SNTG2: variants seen among roughly 807,000 people sequenced by gnomAD.
SNTG2 encodes the protein gamma-2-syntrophin.
A neutral mutation model predicts 70.9 loss-of-function variants in SNTG2; 74 were observed. That is an observed-to-expected ratio of 1.04 (90% confidence interval 0.86 to 1.27). The LOEUF is 1.27. SNTG2 is among the 50% of genes most tolerant of loss of function. SNTG2 has a pLI of 0.00. For synonymous variants in SNTG2, 278 were observed against 273.8 expected, an observed-to-expected ratio of 1.02 and a Z score of -0.15; for missense variants, 717 against 690.7, an observed-to-expected ratio of 1.04 and a Z score of -0.43.
intron 6 of SNTG2, among the ~76,000 whole-genome samples, chr2:1,147,791 A>G (rs4998208): frequency 0.39 from 59,035 of 151,888 alleles, 12,501 homozygotes; most frequent in East Asian, 0.83. Context: ...GTTGTGTGGC[A>G]TGAAATGCGG....
chr2:1,217,935 C>G (rs1674507651), intron 9 of SNTG2, among the ~76,000 whole-genome samples: 2 of 151,966 alleles, frequency 1.3e-5, no homozygotes, highest in African/African-American at 4.8e-5. Flanking sequence ...CCCGGCTGGT[C>G]CTCTGCTTGG....
At chr2:1,098,548 G>A in intron 4 of SNTG2, 138 bp downstream of exon 4, 1 of 935,364 alleles carries the variant, frequency 1.1e-6, no homozygotes, top group Non-Finnish European at 1.7e-6. Flanking sequence ...GCTGTGTCTT[G>A]TTTCAAAGGA....
rs1375500564 is a variant in SNTG2 at position 1,308,578 on chromosome 2, A to G, written c.1369A>G (p.Lys457Glu). 6.4e-7 allele frequency: 1 copy of G among 1,551,520 alleles called. No individual in the cohort carries two copies. The highest frequency in any genetic ancestry group is 8.7e-7 in the Non-Finnish European group (1 of 1,146,916). The change falls in exon 15 of 17, where the codon AAG becomes GAG. Residue 457 changes from lysine (K) to glutamate (E), a missense_variant. Transcript: ENST00000308624. Reference protein sequence around the residue: ...FALGFTCFESKTKNVLWRFKF... With the variant: ...FALGFTCFESETKNVLWRFKF... ...GTTGGGATTTACCTGTTTTGAGAGT[A>G]AGACCAAGGTAAGAGGCCAAGCAGG...
chr2:1,078,211 T>C lies in SNTG2; in HGVS notation c.73-5307T>C, dbSNP rs185557330. 1.9e-3 allele frequency among the ~76,000 whole-genome samples: 285 copies of C among 152,226 alleles called. 2 individuals are homozygous for C. The highest frequency in any genetic ancestry group is 3.9e-3 in the Admixed American group (60 of 15,288). On this transcript the variant is annotated intron_variant, in intron 1 of 16. Transcript: ENST00000308624. ...TGCCAGGCTGGGCTGTAGAAGCTGG[T>C]CCCCCTGAAGTGGAGAAGGTAGAGA...
At chr2:1,298,296 A>G (rs966112472) in intron 14 of SNTG2, among the ~76,000 whole-genome samples, 1 of 151,816 alleles carries the variant, frequency 6.6e-6, no homozygotes, top group Non-Finnish European at 1.5e-5. Context: ...CCACACCCAG[A>G]TAATTTTTTG....
rs1302757967 is a variant in SNTG2, at chr2:1,348,005, G to C, written c.1489-19338G>C. Among the ~76,000 whole-genome samples, 3 of 151,718 alleles carry C rather than the reference G, an allele frequency of 2.0e-5. No individual in the cohort carries two copies. The South Asian group carries it at 6.3e-4, about 32-fold the overall frequency. On this transcript the variant is annotated intron_variant, in intron 16 of 16. Transcript: ENST00000308624. ...TTTTTAAGGTCCTTTTGTAACTGCA[G>C]CTTTTTGGAGTGTATATTCAGGGCA...
chr2:1,120,984 A>C (rs981292268), intron 4 of SNTG2, among the ~76,000 whole-genome samples: 1 of 152,034 alleles, frequency 6.6e-6, no homozygotes, highest in Non-Finnish European at 1.5e-5. Flanking sequence ...GAACACACAC[A>C]TGGATAGACC....
At chr2:1,029,050 C>G (rs1484859221) in intron 1 of SNTG2, among the ~76,000 whole-genome samples, 2 of 152,136 alleles carry the variant, frequency 1.3e-5, no homozygotes, top group Admixed American at 6.5e-5. Context: ...GGGAGGGGCT[C>G]CGGCGGCCTG....
intron 6 of SNTG2, chr2:1,163,465 G>GTGTGAGGCCTCCCAACCGGAAGTGGGCA (rs1670477732): frequency 6.9e-6 from 1 of 145,984 alleles, no homozygotes; most frequent in South Asian, 2.3e-4. Flanking sequence ...GGAGGTGGGT[G>GTGTGAGGCCTCCCAACCGGAAGTGGGCA]TGTGAGGCCT....
intron 1 of SNTG2, among the ~76,000 whole-genome samples, chr2:1,047,805 C>A (rs946254740): frequency 4.6e-5 from 7 of 152,144 alleles, no homozygotes; most frequent in African/African-American, 1.7e-4. Context: ...CAAGTGTTGG[C>A]TGTATATCTC....
intron 9 of SNTG2, among the ~76,000 whole-genome samples, chr2:1,229,075 G>A (rs577815656): frequency 6.6e-6 from 1 of 152,304 alleles, no homozygotes; most frequent in African/African-American, 2.4e-5. Context: ...TGGACCCAAA[G>A]AGTGAGCAGT....
chr2:1,103,386 T>C, intron 4 of SNTG2: 1 of 293,816 alleles, frequency 3.4e-6, no homozygotes, highest in Non-Finnish European at 6.8e-6. Flanking sequence ...TTTCTTTTTT[T>C]TTTTATTTTT....
At chr2:1,155,149 CCATA>C (rs1203151429) in intron 6 of SNTG2, among the ~76,000 whole-genome samples, 1 of 107,462 alleles carries the variant, frequency 9.3e-6, no homozygotes, top group African/African-American at 5.2e-5. Context: ...CAGACACACT[CCATA>C]CACACACACA....
intron 9 of SNTG2, among the ~76,000 whole-genome samples, chr2:1,221,431 CTCTCTGTCTCTG>C (rs1211395262): frequency 7.5e-6 from 1 of 134,034 alleles, no homozygotes; most frequent in Non-Finnish European, 1.6e-5. Context: ...GTCTCTGTCT[CTCTCTGTCTCTG>C]TCTCTGTCTC....
At chr2:1,160,642 A>C (rs912963742) in intron 6 of SNTG2, 1 of 152,140 alleles carries the variant, frequency 6.6e-6, no homozygotes, top group African/African-American at 2.4e-5. Context: ...CCCCTAAATG[A>C]GGGCGTCAGG....
At chr2:1,292,195 CT>C in intron 14 of SNTG2, among the ~76,000 whole-genome samples, 1 of 119,716 alleles carries the variant, frequency 8.4e-6, no homozygotes, top group Non-Finnish European at 1.8e-5. Context: ...AATCCTGCAA[CT>C]TTTTTGTGCA....
intron 1 of SNTG2, among the ~76,000 whole-genome samples, chr2:1,065,985 CTG>C (rs1201151387): frequency 6.6e-6 from 1 of 152,178 alleles, no homozygotes; most frequent in Non-Finnish European, 1.5e-5. Context: ...ACTTAGGAAA[CTG>C]TAGCAATAAT....
At chr2:1,292,230 A>G (rs1680023148) in intron 14 of SNTG2, among the ~76,000 whole-genome samples, 1 of 150,552 alleles carries the variant, frequency 6.6e-6, no homozygotes, top group Non-Finnish European at 1.5e-5. Flanking sequence ...TCGTGTATTC[A>G]TTCTAACAGA....
At chr2:1,110,521 T>G (rs1374823064) in intron 4 of SNTG2, among the ~76,000 whole-genome samples, 2 of 152,210 alleles carry the variant, frequency 1.3e-5, no homozygotes, top group Admixed American at 1.3e-4. Context: ...TTTAGATGTC[T>G]TTATATTAAT....
Sources: gnomAD v4.1 joint callset for allele counts (sites outside exome capture counted in the v4.1 genomes callset) on GRCh38, gnomAD v4.1.1 for gene constraint, MANE v1.5 for transcripts, NCBI Gene and HGNC (gene_info 2026-07-23, HGNC 2026-07-21) for gene names.